The following RNF186 variants were observed in gnomAD, a reference collection of about 807,000 sequenced individuals.
RNF186 encodes the protein ring finger protein 186, also known as E3 ubiquitin-protein ligase RNF186.
For synonymous variants in RNF186, 152 were observed against 133.5 expected (o/e 1.14, Z -0.96); for missense variants, 298 against 298.5 (o/e 1.00, Z 0.01).
Position 19,815,173 on chromosome 1 carries a change from G to T in RNF186, c.-72C>A, listed in dbSNP as rs528654479. On this transcript the variant is annotated 5_prime_UTR_variant, in exon 1 of 1. Coordinates refer to ENST00000375121, the MANE Select transcript of RNF186 (RefSeq NM_019062.2). ...TTGGCAGAGAGTGTCAGCTGGCGCC[G>T]CTGGGACTTGGATGGAATCTGCCCC... The T allele has an allele frequency of 8.3e-5, 115 of 1,377,656 alleles. No individual in the cohort carries two copies. The highest frequency in any genetic ancestry group is 2.4e-4 in the Middle Eastern group (1 of 4,132). The allele number at this position is 1,377,656 out of a possible 1,614,324, so 85.3% of individuals were successfully genotyped here.
rs928065236 is a variant in RNF186 at position 19,815,068 on chromosome 1, G to A, written c.34C>T (p.Pro12Ser). ...GTTGTGGTGGCTCCTGCGGAGATGG[G>A]CTGGGACTGTTGCAGGGTCTTGGTG... ...ACTKTLQQSQ[P>S]ISAGATTTTT... is the part of the protein sequence containing the mutation. Residue 12 changes from proline to serine, a missense_variant, in exon 1 of 1, where the codon CCC (proline) becomes TCC (serine). Pro to Ser is a moderately conservative substitution (Grantham distance 74). Transcript: ENST00000375121. 6.2e-7 allele frequency: 1 copy of A among 1,613,896 alleles called. No homozygotes were observed. The highest frequency in any genetic ancestry group is 1.3e-5 in the African/African-American group (1 of 75,064).
In RNF186 at chr1:19,814,441, T is replaced by C. The variant is rs756913567; in HGVS notation, c.661A>G (p.Ser221Gly). The C allele has an allele frequency of 6.2e-7, 1 of 1,613,922 alleles. No homozygotes were observed. Among genetic ancestry groups the C allele is most frequent in the East Asian group, 2.2e-5 (1 of 44,892 alleles). ...ACTCAGGCAATGGAAGAGATGTGGCTGTGTTTCTGCTCTCTGCAGAAGAGA... is the reference window on the plus strand; with the variant it reads ...ACTCAGGCAATGGAAGAGATGTGGCCGTGTTTCTGCTCTCTGCAGAAGAGA... Reference protein sequence around the residue: ...RTLFCREQKHSHISSIA With the variant: ...RTLFCREQKHGHISSIA The change falls in exon 1 of 1, where the codon AGC (serine) becomes GGC (glycine). Residue 221 changes from serine (S) to glycine (G), a missense_variant. Transcript: ENST00000375121. The surrounding 1 kb of genome is among the most constrained non-coding windows in gnomAD (Gnocchi z 4.7).
chr1:19,814,554 G>A lies in RNF186; in HGVS notation c.548C>T (p.Thr183Ile). 1.2e-6 allele frequency: 2 copies of A among 1,614,242 alleles called. No individual in the cohort carries two copies. The highest frequency in any genetic ancestry group is 2.2e-5 in the East Asian group (1 of 44,888). ...IYPGVLRWVL[T>I]FIIALALLMS... ...CAGCAGGGCCAGGGCGATGATGAAG[G>A]TGAGCACCCATCGTAAGACACCCGG... The change falls in exon 1 of 1, where the codon ACC becomes ATC. Residue 183 changes from threonine (T) to isoleucine (I), a missense_variant. Physicochemically the swap from Thr to Ile is moderately conservative, Grantham distance 89. Coordinates refer to ENST00000375121, the MANE Select transcript of RNF186 (RefSeq NM_019062.2). This position sits in a 1 kb window ranked among gnomAD's most constrained non-coding sequence, Gnocchi z 4.7.
In RNF186 at chr1:19,814,551, A is replaced by T. The variant is rs999972565; in HGVS notation, c.551T>A (p.Phe184Tyr). 1 of 1,614,160 alleles carries T rather than the reference A, an allele frequency of 6.2e-7. No homozygotes were observed. Among genetic ancestry groups the T allele is most frequent in the Admixed American group, 1.7e-5 (1 of 60,026 alleles). Residue 184 changes from phenylalanine to tyrosine, a missense_variant, in exon 1 of 1, where the codon TTC becomes TAC. By Grantham distance (22) the Phe-to-Tyr change is conservative (BLOSUM62 3). Transcript: ENST00000375121. This position sits in a 1 kb window ranked among gnomAD's most constrained non-coding sequence, Gnocchi z 4.7. ...CATCAGCAGGGCCAGGGCGATGATG[A>T]AGGTGAGCACCCATCGTAAGACACC... ...YPGVLRWVLT[F>Y]IIALALLMST...
In RNF186 at chr1:19,814,651, C is replaced by T; in HGVS notation, c.451G>A (p.Ala151Thr). Residue 151 changes from alanine to threonine, a missense_variant, in exon 1 of 1, where the codon GCA becomes ACA. Physicochemically the swap from Ala to Thr is moderately conservative, Grantham distance 58. Transcript: ENST00000375121. The surrounding 1 kb of genome is among the most constrained non-coding windows in gnomAD (Gnocchi z 4.7). Reference protein sequence around the residue: ...GQDEVSANHVAARRLAAHLLL... With the variant: ...GQDEVSANHVTARRLAAHLLL... ...AGGTGCGCGGCCAGGCGCCGGGCTG[C>T]CACGTGGTTTGCACTTACTTCATCC... The T allele has an allele frequency of 6.2e-7, 1 of 1,614,202 alleles. No homozygotes were observed. Among genetic ancestry groups the T allele is most frequent in the Non-Finnish European group, 8.5e-7 (1 of 1,180,022 alleles).
chr1:19,815,084 G>T lies in RNF186; in HGVS notation c.18C>A (p.Thr6=). The change falls in exon 1 of 1, where the codon ACC becomes ACA. Residue 6 remains threonine (T), a synonymous_variant. Transcript: ENST00000375121. MACTK[T]LQQSQPISAG... Reference sequence around the variant, plus strand: ...CGGAGATGGGCTGGGACTGTTGCAGGGTCTTGGTGCAGGCCATTCTGGGCA... The same window carrying T: ...CGGAGATGGGCTGGGACTGTTGCAGTGTCTTGGTGCAGGCCATTCTGGGCA... 1 of 1,613,656 alleles carries T rather than the reference G, an allele frequency of 6.2e-7. No individual in the cohort carries two copies. The highest frequency in any genetic ancestry group is 8.5e-7 in the Non-Finnish European group (1 of 1,179,890).
Position 19,814,377 on chromosome 1 carries a change from A to G in RNF186, c.*41T>C. ...TTCATTGTGGAAGTCCGGGGGCCCAAGGGCAGAAAGGGCTGCAGGGATAGC... is the reference window on the plus strand; with the variant it reads ...TTCATTGTGGAAGTCCGGGGGCCCAGGGGCAGAAAGGGCTGCAGGGATAGC... On this transcript the variant is annotated 3_prime_UTR_variant, in exon 1 of 1. Coordinates refer to ENST00000375121, the MANE Select transcript of RNF186 (RefSeq NM_019062.2). This position sits in a 1 kb window ranked among gnomAD's most constrained non-coding sequence, Gnocchi z 4.7. The G allele has an allele frequency of 6.3e-7, 1 of 1,575,226 alleles. No individual in the cohort carries two copies. Among genetic ancestry groups the G allele is most frequent in the Non-Finnish European group, 8.7e-7 (1 of 1,154,548 alleles).
Position 19,815,043 on chromosome 1 carries a change from G to T in RNF186, c.59C>A (p.Thr20Asn), listed in dbSNP as rs770882872. The T allele has an allele frequency of 1.9e-6, 3 of 1,613,960 alleles. No homozygotes were observed. The African/African-American group carries it at 4.0e-5, about 22-fold the overall frequency. ...CCCAGCAGGGGCCACAGCGGTGGTGGTTGTGGTGGCTCCTGCGGAGATGGG... is the reference window on the plus strand; with the variant it reads ...CCCAGCAGGGGCCACAGCGGTGGTGTTTGTGGTGGCTCCTGCGGAGATGGG... ...SQPISAGATT[T>N]TTAVAPAGGH... Residue 20 changes from threonine to asparagine, a missense_variant, in exon 1 of 1, where the codon ACC (threonine) becomes AAC (asparagine). Thr to Asn is a moderately conservative substitution (Grantham distance 65). Transcript: ENST00000375121.
In RNF186 at chr1:19,815,104, T is replaced by C. The variant is rs1264453084; in HGVS notation, c.-3A>G. On this transcript the variant is annotated 5_prime_UTR_variant, in exon 1 of 1. Transcript: ENST00000375121. The stretch of plus-strand genomic sequence containing the variant: ...TGCAGGGTCTTGGTGCAGGCCATTC[T>C]GGGCACAGGGACCGGTGGGACACTG... 1 of 1,610,164 alleles carries C rather than the reference T, an allele frequency of 6.2e-7. No homozygotes were observed. The highest frequency in any genetic ancestry group is 1.1e-5 in the South Asian group (1 of 90,914).
chr1:19,814,825 C>T lies in RNF186; in HGVS notation c.277G>A (p.Gly93Arg), dbSNP rs145074386. 1.1e-5 allele frequency: 18 copies of T among 1,613,680 alleles called. No homozygotes were observed. The highest frequency in any genetic ancestry group is 6.7e-5 in the African/African-American group (5 of 74,924). ...PLCRKVTAVPGGLICSLRDHE... is the reference protein window; with the variant it reads ...PLCRKVTAVPRGLICSLRDHE... The stretch of plus-strand genomic sequence containing the variant: ...TCGCGCAGGCTGCAGATGAGGCCCC[C>T]GGGGACGGCGGTGACCTTGCGGCAC... The change falls in exon 1 of 1, where the codon GGG (glycine) becomes AGG (arginine). Residue 93 changes from glycine to arginine, a missense_variant. Gly to Arg is a moderately radical substitution (Grantham distance 125). Transcript: ENST00000375121. This position sits in a 1 kb window ranked among gnomAD's most constrained non-coding sequence, Gnocchi z 4.7.
Position 19,815,207 on chromosome 1 carries a change from A to C in RNF186, c.-106T>G. 1.0e-6 allele frequency: 1 copy of C among 968,810 alleles called. No individual in the cohort carries two copies. The highest frequency in any genetic ancestry group is 1.5e-6 in the Non-Finnish European group (1 of 648,588). The allele number at this position is 968,810 out of a possible 1,614,324, so 60.0% of individuals were successfully genotyped here. On this transcript the variant is annotated 5_prime_UTR_variant, in exon 1 of 1. Coordinates refer to ENST00000375121, the MANE Select transcript of RNF186 (RefSeq NM_019062.2). ...TGGATGGAATCTGCCCCTCCTTTTC[A>C]CTCTGGCCAGGTGCCTGTTGACAAC...
In RNF186 at chr1:19,814,534, G is replaced by A. The variant is rs374479315; in HGVS notation, c.568C>T (p.Leu190=). 8.1e-6 allele frequency: 13 copies of A among 1,614,186 alleles called. No individual in the cohort carries two copies. The highest frequency in any genetic ancestry group is 2.2e-5 in the East Asian group (1 of 44,890). The change falls in exon 1 of 1, where the codon CTG becomes TTG. Residue 190 remains leucine, a synonymous_variant. Coordinates refer to ENST00000375121, the MANE Select transcript of RNF186 (RefSeq NM_019062.2). The surrounding 1 kb of genome is among the most constrained non-coding windows in gnomAD (Gnocchi z 4.7). The stretch of plus-strand genomic sequence containing the variant: ...CAGCAGAAGAGGGTGGACATCAGCA[G>A]GGCCAGGGCGATGATGAAGGTGAGC... ...WVLTFIIALA[L]LMSTLFCCLP...
Position 19,814,320 on chromosome 1 carries a change from G to A in RNF186, c.*98C>T. The A allele has an allele frequency of 4.4e-6, 5 of 1,142,866 alleles. No homozygotes were observed. Among genetic ancestry groups the A allele is most frequent in the South Asian group, 1.6e-5 (1 of 61,154 alleles). 70.8% of individuals were successfully genotyped at this position (1,142,866 alleles called of 1,614,324 possible). A position where few individuals can be genotyped will look rare whatever the true frequency, so the allele number is the denominator to read the frequency against. ...CCCGCTGGCATGTGATTTCCCAAAG[G>A]AGCCAGTCTTAGTCCGTAACCCCTT... is the stretch of plus-strand genomic sequence containing the variant. On this transcript the variant is annotated 3_prime_UTR_variant, in exon 1 of 1. Transcript: ENST00000375121. The surrounding 1 kb of genome is among the most constrained non-coding windows in gnomAD (Gnocchi z 4.7).
In RNF186 at chr1:19,814,671, TCATCCTGTC is replaced by T. The variant is rs1364710732; in HGVS notation, c.422_430del (p.Gly141_Asp143del). 1.2e-6 allele frequency: 2 copies of T among 1,614,024 alleles called. No individual in the cohort carries two copies. Among genetic ancestry groups the T allele is most frequent in the Non-Finnish European group, 1.7e-6 (2 of 1,180,012 alleles). On this transcript the variant is annotated inframe_deletion, in exon 1 of 1. Coordinates refer to ENST00000375121, the MANE Select transcript of RNF186 (RefSeq NM_019062.2). The surrounding 1 kb of genome is among the most constrained non-coding windows in gnomAD (Gnocchi z 4.7). The stretch of plus-strand genomic sequence containing the variant: ...GGCTGCCACGTGGTTTGCACTTACT[TCATCCTGTC>T]CATCCTCTCCCACCAAGCTGGGGTG...
In RNF186 at chr1:19,814,426, T is replaced by C. The variant is rs753275230; in HGVS notation, c.676A>G (p.Ile226Val). The C allele has an allele frequency of 5.0e-6, 8 of 1,613,462 alleles. No homozygotes were observed. In the East Asian group the frequency reaches 1.3e-4, roughly 27 times the overall value. The change falls in exon 1 of 1, where the codon ATT (isoleucine) becomes GTT (valine). Residue 226 changes from isoleucine to valine, a missense_variant. Coordinates refer to ENST00000375121, the MANE Select transcript of RNF186 (RefSeq NM_019062.2). This position sits in a 1 kb window ranked among gnomAD's most constrained non-coding sequence, Gnocchi z 4.7. Reference protein sequence around the residue: ...REQKHSHISSIA With the variant: ...REQKHSHISSVA The stretch of plus-strand genomic sequence containing the variant: ...GCCTCATCAGAGGGCACTCAGGCAA[T>C]GGAAGAGATGTGGCTGTGTTTCTGC...
chr1:19,815,199 T>C lies in RNF186; in HGVS notation c.-98A>G. 1 of 1,026,154 alleles carries C rather than the reference T, an allele frequency of 9.7e-7. No individual in the cohort carries two copies. The highest frequency in any genetic ancestry group is 1.4e-6 in the Non-Finnish European group (1 of 693,874). 63.6% of individuals were successfully genotyped at this position (1,026,154 alleles called of 1,614,324 possible). ...CTGGGACTTGGATGGAATCTGCCCC[T>C]CCTTTTCACTCTGGCCAGGTGCCTG... On this transcript the variant is annotated 5_prime_UTR_variant, in exon 1 of 1. Transcript: ENST00000375121.
rs1312828162 is a variant in RNF186 at position 19,815,003 on chromosome 1, G to A, written c.99C>T (p.Ser33=). ...CCAGACACTCCAGGTCACATTCTGTGGAGCCAGAATGACCCCCAGCAGGGG... is the reference window on the plus strand; with the variant it reads ...CCAGACACTCCAGGTCACATTCTGTAGAGCCAGAATGACCCCCAGCAGGGG... ...AVAPAGGHSG[S]TECDLECLVC... The change falls in exon 1 of 1, where the codon TCC becomes TCT. Residue 33 remains serine, a synonymous_variant. Coordinates refer to ENST00000375121, the MANE Select transcript of RNF186 (RefSeq NM_019062.2). 1.2e-6 allele frequency: 2 copies of A among 1,614,096 alleles called. No homozygotes were observed. Among genetic ancestry groups the A allele is most frequent in the African/African-American group, 1.3e-5 (1 of 75,058 alleles).
At position 19,814,726 on chromosome 1, in the gene RNF186, G is replaced by A. The variant is rs760509691; in HGVS notation, c.376C>T (p.Pro126Ser). The change falls in exon 1 of 1, where the codon CCT becomes TCT. Residue 126 changes from proline (P) to serine (S), a missense_variant. By Grantham distance (74) the Pro-to-Ser change is moderately conservative (BLOSUM62 -1). Coordinates refer to ENST00000375121, the MANE Select transcript of RNF186 (RefSeq NM_019062.2). This position sits in a 1 kb window ranked among gnomAD's most constrained non-coding sequence, Gnocchi z 4.7. ...GGGTGTCCTGCTGCCAAGTCAGCAG[G>A]ATCCACCAGCCCCTGAGGACAGAGC... ...VSLCPQGLVD[P>S]ADLAAGHPSL... The A allele has an allele frequency of 6.2e-7, 1 of 1,614,178 alleles. No individual in the cohort carries two copies. The highest frequency in any genetic ancestry group is 2.2e-5 in the East Asian group (1 of 44,870).
chr1:19,815,170 G>C lies in RNF186; in HGVS notation c.-69C>G, dbSNP rs115328714. On this transcript the variant is annotated 5_prime_UTR_variant, in exon 1 of 1. Transcript: ENST00000375121. ...GCATTGGCAGAGAGTGTCAGCTGGC[G>C]CCGCTGGGACTTGGATGGAATCTGC... 3 of 1,417,382 alleles carry C rather than the reference G, an allele frequency of 2.1e-6. No individual in the cohort carries two copies. Among genetic ancestry groups the C allele is most frequent in the Non-Finnish European group, 2.9e-6 (3 of 1,026,984 alleles). The allele number at this position is 1,417,382 out of a possible 1,614,324, so 87.8% of individuals were successfully genotyped here.
Sources: gnomAD v4.1 joint callset for allele counts on GRCh38, gnomAD v4.1.1 for gene constraint, Gnocchi (gnomAD v3.1) non-coding constraint, MANE v1.5 for transcripts, NCBI Gene and HGNC (gene_info 2026-07-23, HGNC 2026-07-21) for gene names.